NTN1: variants seen among roughly 807,000 people sequenced by gnomAD.
NTN1 encodes the protein netrin-1.
A neutral mutation model predicts 54.2 loss-of-function variants in NTN1; 11 were observed. The observed-to-expected ratio is 0.20, with a 90% confidence interval of 0.13 to 0.34. The LOEUF is 0.34. NTN1 is among the 10% of genes least tolerant of loss of function. The probability of loss-of-function intolerance (pLI) is 1.00; values close to 1 mark genes in which losing one functional copy is unlikely to be tolerated. For missense variants in NTN1, 740 were observed against 893.1 expected, an observed-to-expected ratio of 0.83 and a Z score of 2.18; for synonymous variants, 371 against 382.0, an observed-to-expected ratio of 0.97 and a Z score of 0.33.
At chr17:9,210,908 A>G in intron 5 of NTN1, among the ~76,000 whole-genome samples, 2 of 55,520 alleles carry the variant, frequency 3.6e-5, no homozygotes, top group Non-Finnish European at 6.8e-5. Context: ...TCCATCTGAA[A>G]AAAAAAAAAA....
intron 2 of NTN1, among the ~76,000 whole-genome samples, chr17:9,130,914 T>C (rs2092262688): frequency 6.6e-6 from 1 of 152,200 alleles, no homozygotes; most frequent in Non-Finnish European, 1.5e-5. Context: ...ATTCTCAAGT[T>C]GCTATTGAGG....
chr17:9,040,736 T>C (rs578196098), intron 2 of NTN1, among the ~76,000 whole-genome samples: 1 of 152,330 alleles, frequency 6.6e-6, no homozygotes, highest in African/African-American at 2.4e-5. Flanking sequence ...ATGGATGTTC[T>C]TTATTGTACT....
intron 2 of NTN1, among the ~76,000 whole-genome samples, chr17:9,128,173 G>C (rs1249929680): frequency 6.6e-6 from 1 of 151,348 alleles, no homozygotes; most frequent in Non-Finnish European, 1.5e-5. Flanking sequence ...AGCTGGGTGT[G>C]GTGATGCATG....
At position 9,211,439 on chromosome 17, in the gene NTN1, C is replaced by T. The variant is rs1905105318; in HGVS notation, c.1412-9729C>T. 6.6e-6 allele frequency among the ~76,000 whole-genome samples: 1 copy of T among 152,188 alleles called. No homozygotes were observed. The highest frequency in any genetic ancestry group is 2.1e-4 in the South Asian group (1 of 4,826). On this transcript the variant is annotated intron_variant, in intron 5 of 6. Transcript: ENST00000173229. The surrounding 1 kb of genome is among the most constrained non-coding windows in gnomAD (Gnocchi z 4.4). ...TCACCGTCAGGAATGGGAGTGATGACACTCGTGCTGTTGGCCTCTCCCCTC... is the reference window on the plus strand; with the variant it reads ...TCACCGTCAGGAATGGGAGTGATGATACTCGTGCTGTTGGCCTCTCCCCTC...
intron 2 of NTN1, among the ~76,000 whole-genome samples, chr17:9,080,293 A>G (rs1436340445): frequency 1.3e-5 from 2 of 152,168 alleles, no homozygotes; most frequent in Non-Finnish European, 2.9e-5. Flanking sequence ...ATTGCTGCTC[A>G]GGCCTCGTCT....
intron 2 of NTN1, among the ~76,000 whole-genome samples, chr17:9,050,444 C>T (rs150912887): frequency 0.024 from 3,627 of 151,316 alleles, 150 homozygotes; most frequent in African/African-American, 0.083. Flanking sequence ...CTGAAGTGGG[C>T]GGATCACTTG....
chr17:9,223,802 G>A (rs1905445984), intron 6 of NTN1, among the ~76,000 whole-genome samples: 1 of 152,186 alleles, frequency 6.6e-6, no homozygotes, highest in South Asian at 2.1e-4. Context: ...TGGGCCCAGA[G>A]GAGTTAATGG....
intron 6 of NTN1, among the ~76,000 whole-genome samples, chr17:9,233,464 T>C (rs1042664203): frequency 1.3e-5 from 2 of 152,014 alleles, no homozygotes; most frequent in Non-Finnish European, 2.9e-5. Context: ...AGGAGGGGCA[T>C]CCGTCAGTTC....
intron 2 of NTN1, among the ~76,000 whole-genome samples, chr17:9,122,935 C>G (rs947041184): frequency 6.6e-6 from 1 of 152,136 alleles, no homozygotes; most frequent in African/African-American, 2.4e-5. Flanking sequence ...CTCCGTTAAT[C>G]AGGCATTTAA....
At chr17:9,156,992 T>G (rs2092344684) in intron 2 of NTN1, among the ~76,000 whole-genome samples, 1 of 126,908 alleles carries the variant, frequency 7.9e-6, no homozygotes, top group Non-Finnish European at 1.6e-5. Flanking sequence ...ATCAACCCCA[T>G]CCATCCGTCC....
rs3031879 is a variant in NTN1, at chr17:9,240,730, TCTGCCCCTGCCC to T, written c.*775_*786del. Reference sequence around the variant, plus strand: ...GAGGAAGCCCCTGCTGCTGCCTGTCTCTGCCCCTGCCCCTGCCCCTGCCCAGCGTGGGGCTGG... The same window carrying T: ...GAGGAAGCCCCTGCTGCTGCCTGTCTCTGCCCCTGCCCAGCGTGGGGCTGG... On this transcript the variant is annotated 3_prime_UTR_variant, in exon 7 of 7. Coordinates refer to ENST00000173229, the MANE Select transcript of NTN1 (RefSeq NM_004822.3). 21,026 of 153,560 alleles carry T rather than the reference TCTGCCCCTGCCC, an allele frequency of 0.14. 1,574 individuals are homozygous for T. The highest frequency in any genetic ancestry group is 0.17 in the Non-Finnish European group (11,672 of 69,466). 9.5% of individuals were successfully genotyped at this position (153,560 alleles called of 1,614,324 possible). A position where few individuals can be genotyped will look rare whatever the true frequency, so the allele number is the denominator to read the frequency against.
intron 2 of NTN1, among the ~76,000 whole-genome samples, chr17:9,072,315 G>A (rs547560511): frequency 6.0e-5 from 9 of 150,660 alleles, no homozygotes; most frequent in East Asian, 2.0e-4. Context: ...ACCATTGTTC[G>A]TGAGAATTCC....
chr17:9,100,178 ATATGTGTG>A (rs199545465), intron 2 of NTN1, among the ~76,000 whole-genome samples: 10 of 105,622 alleles, frequency 9.5e-5, no homozygotes, highest in South Asian at 1.1e-3. Context: ...TGCTATGTGT[ATATGTGTG>A]TATATATATA....
At chr17:9,160,882 A>G (rs72811956) in intron 2 of NTN1, among the ~76,000 whole-genome samples, 13,560 of 152,178 alleles carry the variant, frequency 0.089, 766 homozygotes, top group African/African-American at 0.15. Context: ...TGACAAGCCC[A>G]GGAGACAGAG....
Position 9,162,937 on chromosome 17 carries a change from T to G in NTN1, c.1143T>G (p.His381Gln), listed in dbSNP as rs2286511. ...ACAACACCGCCGGCCGCCACTGCCA[T>G]TACTGCAAGGAGGGCTACTACCGCG... is the stretch of plus-strand genomic sequence containing the variant. ...CRHNTAGRHC[H>Q]YCKEGYYRDM... The change falls in exon 3 of 7, where the codon CAT (histidine) becomes CAG (glutamine). Residue 381 changes from histidine to glutamine, a missense_variant. Coordinates refer to ENST00000173229, the MANE Select transcript of NTN1 (RefSeq NM_004822.3). 6.2e-7 allele frequency: 1 copy of G among 1,613,750 alleles called. No individual in the cohort carries two copies. The highest frequency in any genetic ancestry group is 8.5e-7 in the Non-Finnish European group (1 of 1,179,904).
At chr17:9,122,391 A>T (rs1433067818) in intron 2 of NTN1, among the ~76,000 whole-genome samples, 1 of 152,180 alleles carries the variant, frequency 6.6e-6, no homozygotes, top group Non-Finnish European at 1.5e-5. Context: ...AATCCTCTAC[A>T]GTTTGGTTCA....
chr17:9,185,349 G>A (rs1328175899), intron 5 of NTN1, among the ~76,000 whole-genome samples: 2 of 152,120 alleles, frequency 1.3e-5, no homozygotes, highest in Non-Finnish European at 2.9e-5. Context: ...GTCCACTCTT[G>A]CCGTGTTTGA....
chr17:9,004,157 G>A, the NTN1 span, among the ~76,000 whole-genome samples: 31 of 152,240 alleles, frequency 2.0e-4, no homozygotes, highest in African/African-American at 6.8e-4. Flanking sequence ...CGGAGCTGGG[G>A]CTCGGGAGCG....
intron 3 of NTN1, among the ~76,000 whole-genome samples, chr17:9,170,308 A>G (rs1307930292): frequency 1.3e-5 from 2 of 152,224 alleles, no homozygotes; most frequent in Non-Finnish European, 2.9e-5. Context: ...TATGGCAGCT[A>G]TTATGATTAT....
Sources: gnomAD v4.1 joint callset for allele counts (sites outside exome capture counted in the v4.1 genomes callset) on GRCh38, gnomAD v4.1.1 for gene constraint, Gnocchi (gnomAD v3.1) non-coding constraint, MANE v1.5 for transcripts, NCBI Gene and HGNC (gene_info 2026-07-23, HGNC 2026-07-21) for gene names.